Variants in SSH2 observed in about 807,000 individuals in gnomAD.
SSH2 encodes protein phosphatase Slingshot homolog 2.
A neutral mutation model predicts 135.2 loss-of-function variants in SSH2; 37 were observed. That is an observed-to-expected ratio of 0.27 (90% CI 0.21 to 0.36). SSH2 has a LOEUF of 0.36. Among genes scored for constraint, SSH2 ranks in the 10% least tolerant of loss-of-function variants. The pLI is 1.00. For synonymous variants in SSH2, 628 were observed against 646.2 expected (o/e 0.97, Z 0.43); for missense variants, 1,408 against 1,765.3 (o/e 0.80, Z 3.63).
chr17:29,842,289 A>G (rs1349670198), intron 2 of SSH2, among the ~76,000 whole-genome samples: 1 of 151,920 alleles, frequency 6.6e-6, no homozygotes, highest in African/African-American at 2.4e-5. Flanking sequence ...CCCTGTCTCT[A>G]CTAAAAATAC....
chr17:29,696,439 G>A (rs988977315), intron 4 of SSH2, among the ~76,000 whole-genome samples: 1 of 143,862 alleles, frequency 7.0e-6, no homozygotes, highest in Non-Finnish European at 1.5e-5. Context: ...ATATGTGTGT[G>A]TATATATATA....
intron 14 of SSH2, 101 bp downstream of exon 14, chr17:29,648,043 T>C: frequency 9.0e-7 from 1 of 1,115,730 alleles, no homozygotes; most frequent in Non-Finnish European, 1.3e-6. Flanking sequence ...TGAAAAAATA[T>C]CACATCCAAA....
chr17:29,773,087 C>G (rs2041623391), intron 3 of SSH2, among the ~76,000 whole-genome samples: 1 of 151,930 alleles, frequency 6.6e-6, no homozygotes, highest in Admixed American at 6.6e-5. Flanking sequence ...CATCATCCAC[C>G]CATCCATCCA....
chr17:29,858,272 A>C (rs2065700487), intron 1 of SSH2, among the ~76,000 whole-genome samples: 1 of 152,152 alleles, frequency 6.6e-6, no homozygotes, highest in African/African-American at 2.4e-5. Context: ...ATTACCACAA[A>C]CTCGATGGCT....
intron 5 of SSH2, among the ~76,000 whole-genome samples, chr17:29,690,569 G>C (rs1224905632): frequency 1.3e-5 from 2 of 151,978 alleles, no homozygotes; most frequent in African/African-American, 2.4e-5. Flanking sequence ...ATCCATCAGA[G>C]AGAAAGGTTC....
intron 12 of SSH2, among the ~76,000 whole-genome samples, chr17:29,654,984 A>C (rs2036723755): frequency 6.6e-6 from 1 of 152,242 alleles, no homozygotes; most frequent in Non-Finnish European, 1.5e-5. Context: ...CTTGCATAAA[A>C]ATAAAAATTT....
At chr17:29,861,425 T>C (rs916263676) in intron 1 of SSH2, among the ~76,000 whole-genome samples, 14 of 152,176 alleles carry the variant, frequency 9.2e-5, no homozygotes, top group Admixed American at 3.9e-4. Flanking sequence ...TAATCCAGGG[T>C]AATCTTCCTA....
At chr17:29,900,776 T>G (rs1013208878) in intron 1 of SSH2, among the ~76,000 whole-genome samples, 19 of 152,132 alleles carry the variant, frequency 1.2e-4, no homozygotes, top group African/African-American at 4.3e-4. Context: ...ATCCCATTAC[T>G]GGGTGTATAC....
intron 14 of SSH2, among the ~76,000 whole-genome samples, chr17:29,640,071 ATGTT>A (rs1367413072): frequency 6.7e-6 from 1 of 149,456 alleles, no homozygotes; most frequent in Admixed American, 6.6e-5. Context: ...CCTCCAAAGT[ATGTT>A]TTTTTTTTGT....
At chr17:29,891,825 A>G (rs573365775) in intron 1 of SSH2, among the ~76,000 whole-genome samples, 1 of 152,282 alleles carries the variant, frequency 6.6e-6, no homozygotes, top group Admixed American at 6.5e-5. Context: ...ATCTTGCACA[A>G]TTTTATGGTT....
chr17:29,790,534 C>G (rs765700398), intron 3 of SSH2, among the ~76,000 whole-genome samples: 1 of 152,134 alleles, frequency 6.6e-6, no homozygotes. Flanking sequence ...TTCTTTATAT[C>G]CACATTCTGG....
chr17:29,803,354 A>C (rs889683269), intron 2 of SSH2, among the ~76,000 whole-genome samples: 4 of 152,152 alleles, frequency 2.6e-5, no homozygotes, highest in African/African-American at 9.7e-5. Context: ...TCACATGTCT[A>C]ATGTCATAGC....
Position 29,793,561 on chromosome 17 carries a change from CT to C in SSH2, c.188+332del, listed in dbSNP as rs536282583. The C allele has an allele frequency of 8.9e-4, 160 of 179,108 alleles. 2 individuals are homozygous for C. The highest frequency in any genetic ancestry group is 6.7e-3 in the Middle Eastern group (3 of 446). The allele number at this position is 179,108 out of a possible 1,614,324, so 11.1% of individuals were successfully genotyped here. ...TGAGCCAAAATTGACCTTTCTGCCTCTTTTTAAACCAATGTACCATTGAAAA... is the reference window on the plus strand; with the variant it reads ...TGAGCCAAAATTGACCTTTCTGCCTCTTTTAAACCAATGTACCATTGAAAA... On this transcript the variant is annotated intron_variant, in intron 3 of 15. Coordinates refer to ENST00000540801, the MANE Select transcript of SSH2 (RefSeq NM_001282129.2).
intron 8 of SSH2, among the ~76,000 whole-genome samples, chr17:29,673,367 C>G (rs1250937613): frequency 6.6e-6 from 1 of 151,816 alleles, no homozygotes; most frequent in Non-Finnish European, 1.5e-5. Context: ...GTCAGGAGAT[C>G]GAGATCAGCC....
Position 29,684,562 on chromosome 17 carries a change from C to T in SSH2, c.479+1G>A. The T allele has an allele frequency of 6.2e-7, 1 of 1,609,236 alleles. No homozygotes were observed. The highest frequency in any genetic ancestry group is 8.5e-7 in the Non-Finnish European group (1 of 1,177,300). ...CACATTTTGAAATGGTACCACCATA[C>T]CTGTCATTAGAGGAGAAATCCATTC... On this transcript the variant is annotated splice_donor_variant, in intron 6 of 15. Transcript: ENST00000540801. LOFTEE classifies it high-confidence loss of function.
intron 5 of SSH2, among the ~76,000 whole-genome samples, chr17:29,690,344 G>A (rs1440495053): frequency 6.6e-6 from 1 of 150,936 alleles, no homozygotes; most frequent in Non-Finnish European, 1.5e-5. Context: ...GGCGGAGGTT[G>A]TGGTGAGCCA....
At chr17:29,929,834 G>C in intron 1 of SSH2, 104 bp downstream of exon 1, 1 of 1,120,406 alleles carries the variant, frequency 8.9e-7, no homozygotes, top group Non-Finnish European at 1.3e-6. Context: ...CCAAGGCCTG[G>C]GAAGCGGCGC....
At chr17:29,644,796 C>T (rs1389733904) in intron 14 of SSH2, 5 of 142,912 alleles carry the variant, frequency 3.5e-5, no homozygotes, top group East Asian at 3.9e-4. Flanking sequence ...GACTTTGCCT[C>T]GATAAATAAA....
At position 29,636,598 on chromosome 17, in the gene SSH2, A is replaced by G. The variant is rs2035926013; in HGVS notation, c.1632T>C (p.Asn544=). ...FVEHMVPQDA[N]QKGLCTKERM... ...TTTCTTTGGTACACAGGCCTTTCTG[A>G]TTTGCATCTTGTGGGACCATATGTT... Residue 544 remains asparagine, a synonymous_variant, in exon 15 of 16, where the codon AAT becomes AAC. Coordinates refer to ENST00000540801, the MANE Select transcript of SSH2 (RefSeq NM_001282129.2). The G allele has an allele frequency of 6.2e-7, 1 of 1,613,928 alleles. No homozygotes were observed. Among genetic ancestry groups the G allele is most frequent in the African/African-American group, 1.3e-5 (1 of 74,866 alleles).
Sources: gnomAD v4.1 joint callset for allele counts (sites outside exome capture counted in the v4.1 genomes callset) on GRCh38, gnomAD v4.1.1 for gene constraint, MANE v1.5 for transcripts, NCBI Gene and HGNC (gene_info 2026-07-23, HGNC 2026-07-21) for gene names.